Variants in IGFBP7 observed in about 807,000 individuals in gnomAD.
The protein encoded by IGFBP7 is insulin like growth factor binding protein 7.
Under a neutral mutation model 29.4 loss-of-function variants are expected in IGFBP7, and 31 were observed. That is an observed-to-expected ratio of 1.05 (90% CI 0.79 to 1.42). The LOEUF (loss-of-function observed/expected upper bound fraction) is 1.42, where lower values mean the gene tolerates loss of function less well. Among genes scored for constraint, IGFBP7 ranks in the 40% most tolerant of loss-of-function variants. The probability of loss-of-function intolerance (pLI) is 0.00; values close to 1 mark genes in which losing one functional copy is unlikely to be tolerated. For synonymous variants in IGFBP7, 172 were observed against 174.9 expected (o/e 0.98, Z 0.13); for missense variants, 393 against 395.5 (o/e 0.99, Z 0.05).
At chr4:57,069,802 G>A (rs1296513834) in intron 1 of IGFBP7, among the ~76,000 whole-genome samples, 2 of 152,210 alleles carry the variant, frequency 1.3e-5, no homozygotes, top group Non-Finnish European at 2.9e-5. Context: ...ACAAAATGGG[G>A]TCAGGTGCGG....
intron 1 of IGFBP7, among the ~76,000 whole-genome samples, chr4:57,084,911 C>T (rs1307756618): frequency 1.7e-5 from 2 of 118,252 alleles, no homozygotes; most frequent in Non-Finnish European, 4.0e-5. Context: ...CCACCTCAGC[C>T]TCCCAAGTAG....
chr4:57,032,191 TTAC>T, intron 4 of IGFBP7: 1 of 1,110,384 alleles, frequency 9.0e-7, no homozygotes, highest in Non-Finnish European at 1.2e-6. Context: ...ATTTTGACTC[TTAC>T]ATGTTAGATA....
chr4:57,049,114 CAT>C (rs1724438270), intron 1 of IGFBP7, among the ~76,000 whole-genome samples: 2 of 152,192 alleles, frequency 1.3e-5, no homozygotes, highest in South Asian at 4.1e-4. Context: ...GTATGTGACT[CAT>C]AACATGGTTC....
rs533931909 is a variant in IGFBP7 at position 57,108,760 on chromosome 4, G to A, written c.475+1117C>T. On this transcript the variant is annotated intron_variant, in intron 1 of 4. Transcript: ENST00000295666. Reference sequence around the variant, plus strand: ...GATGGGGTTTCACCGTGTTGGTCAGGCTGATCTCGAACTCCTGACCTCGTG... The same window carrying A: ...GATGGGGTTTCACCGTGTTGGTCAGACTGATCTCGAACTCCTGACCTCGTG... Among the ~76,000 whole-genome samples the A allele has an allele frequency of 3.3e-5, 5 of 152,134 alleles. No homozygotes were observed. The East Asian group carries it at 9.7e-4, about 29-fold the overall frequency.
chr4:57,092,252 C>T (rs1472714964), intron 1 of IGFBP7, among the ~76,000 whole-genome samples: 1 of 152,112 alleles, frequency 6.6e-6, no homozygotes, highest in Admixed American at 6.5e-5. Context: ...AATATTCTTT[C>T]CTTCTCCCTG....
intron 1 of IGFBP7, among the ~76,000 whole-genome samples, chr4:57,066,974 GTT>G (rs61431158): frequency 5.2e-4 from 74 of 142,676 alleles, no homozygotes; most frequent in African/African-American, 1.5e-3. Context: ...TTTTTGGAAG[GTT>G]TTTTTTTTTT....
intron 1 of IGFBP7, among the ~76,000 whole-genome samples, chr4:57,066,650 G>C (rs985269200): frequency 4.0e-5 from 6 of 149,866 alleles, no homozygotes; most frequent in Non-Finnish European, 7.4e-5. Context: ...TGCAACCTCC[G>C]CCTCTTGGGT....
chr4:57,033,136 T>A (rs1723984013), intron 3 of IGFBP7, 59 bp downstream of exon 3: 10 of 1,192,574 alleles, frequency 8.4e-6, no homozygotes, highest in Non-Finnish European at 1.3e-5. Flanking sequence ...CTTTGCCAGG[T>A]CTGCTTATGT....
At chr4:57,060,422 T>C (rs940648803) in intron 1 of IGFBP7, among the ~76,000 whole-genome samples, 3 of 152,144 alleles carry the variant, frequency 2.0e-5, no homozygotes, top group African/African-American at 7.2e-5. Flanking sequence ...TAACTATGGG[T>C]CTGTGGGTAG....
chr4:57,074,500 C>G (rs1024844883), intron 1 of IGFBP7, among the ~76,000 whole-genome samples: 1 of 152,200 alleles, frequency 6.6e-6, no homozygotes, highest in Non-Finnish European at 1.5e-5. Flanking sequence ...TGTGAAAGTA[C>G]TATAGGCTTC....
intron 1 of IGFBP7, among the ~76,000 whole-genome samples, chr4:57,049,393 TTCACTCTTCTATG>T (rs113800133): frequency 0.094 from 14,261 of 152,158 alleles, 798 homozygotes; most frequent in African/African-American, 0.15. Context: ...TTTTTACCAA[TTCACTCTTCTATG>T]TCATTTCTAC....
In IGFBP7 at chr4:57,110,046, G is replaced by A. The variant is rs772172523; in HGVS notation, c.306C>T (p.Ala102=). Residue 102 remains alanine, a synonymous_variant, in exon 1 of 5, where the codon GCC becomes GCT. Coordinates refer to ENST00000295666, the MANE Select transcript of IGFBP7 (RefSeq NM_001553.3). ...ACACGCCGCTTACACCCGGACCGCC[G>A]GCTGCTGCCCCGGCTTTACCCTTCC... ...KRRKGKAGAA[A]GGPGVSGVCV... 2 of 1,560,744 alleles carry A rather than the reference G, an allele frequency of 1.3e-6. No homozygotes were observed. Among genetic ancestry groups the A allele is most frequent in the African/African-American group, 1.4e-5 (1 of 73,854 alleles).
rs569478061 is a variant in IGFBP7 at position 57,054,290 on chromosome 4, C to G, written c.476-13357G>C. Among the ~76,000 whole-genome samples, 18 of 149,914 alleles carry G rather than the reference C, an allele frequency of 1.2e-4. No homozygotes were observed. In the South Asian group the frequency reaches 2.3e-3, roughly 19 times the overall value. On this transcript the variant is annotated intron_variant, in intron 1 of 4. Coordinates refer to ENST00000295666, the MANE Select transcript of IGFBP7 (RefSeq NM_001553.3). ...CCCATCTTTAAAGCTTAGTCTCTAT[C>G]CGTAGGCCCTGCGCTGACTAACAAG...
chr4:57,039,643 C>CTTTTTTTTTT (rs10716496), intron 2 of IGFBP7, among the ~76,000 whole-genome samples: 2 of 128,672 alleles, frequency 1.6e-5, no homozygotes, highest in Non-Finnish European at 3.2e-5. Context: ...AATTCACACT[C>CTTTTTTTTTT]TTTTTTTTTT....
intron 1 of IGFBP7, among the ~76,000 whole-genome samples, chr4:57,045,619 C>A (rs1191152899): frequency 6.6e-6 from 1 of 152,084 alleles, no homozygotes; most frequent in Non-Finnish European, 1.5e-5. Flanking sequence ...CTTTCCAGTA[C>A]TTTCTTCAGA....
At chr4:57,068,881 C>CTT (rs34976333) in intron 1 of IGFBP7, among the ~76,000 whole-genome samples, 2,693 of 150,628 alleles carry the variant, frequency 0.018, 71 homozygotes, top group African/African-American at 0.058. Flanking sequence ...CCATTTGCTA[C>CTT]TTTTTTTTTT....
chr4:57,061,865 C>T (rs191517976), intron 1 of IGFBP7, among the ~76,000 whole-genome samples: 5 of 152,168 alleles, frequency 3.3e-5, no homozygotes, highest in East Asian at 3.9e-4. Context: ...GGTCTTGCTA[C>T]GTTGCCAGGC....
chr4:57,075,209 G>A (rs979308665), intron 1 of IGFBP7, among the ~76,000 whole-genome samples: 1 of 152,158 alleles, frequency 6.6e-6, no homozygotes. Context: ...GATCATTTCA[G>A]TATAATCTGT....
chr4:57,089,055 G>A (rs868449024), intron 1 of IGFBP7, among the ~76,000 whole-genome samples: 179 of 101,616 alleles, frequency 1.8e-3, no homozygotes, highest in South Asian at 3.3e-3. Flanking sequence ...AAAAAAAAAA[G>A]AGAGGCAACT....
Sources: allele counts gnomAD v4.1 joint callset (sites outside exome capture counted in the v4.1 genomes callset), GRCh38; gene constraint gnomAD v4.1.1; transcripts MANE v1.5; gene names NCBI Gene and HGNC (gene_info 2026-07-23, HGNC 2026-07-21).